Variants in NBEA observed in about 807,000 individuals in gnomAD.
The protein encoded by NBEA is lysosomal-trafficking regulator 2.
Under a neutral mutation model 343.4 loss-of-function variants are expected in NBEA, and 44 were observed. The observed-to-expected ratio is 0.13, with a 90% CI of 0.10 to 0.16. The LOEUF is 0.16. NBEA is among the 10% of genes least tolerant of loss of function. NBEA has a pLI of 1.00. For synonymous variants in NBEA, 1,175 were observed against 1,238.7 expected (o/e 0.95, Z 1.08); for missense variants, 2,555 against 3,631.3 (o/e 0.70, Z 7.62).
chr13:35,452,986 G>T (rs1427886933), intron 40 of NBEA, among the ~76,000 whole-genome samples: 1 of 152,168 alleles, frequency 6.6e-6, no homozygotes, highest in East Asian at 1.9e-4. Flanking sequence ...AAAAATGCCT[G>T]CTTCAGAGTC....
At chr13:35,378,932 A>G (rs1019189506) in intron 38 of NBEA, among the ~76,000 whole-genome samples, 3 of 152,260 alleles carry the variant, frequency 2.0e-5, no homozygotes, top group African/African-American at 4.8e-5. Flanking sequence ...CTTTTGCCCA[A>G]TATTACATTT....
chr13:35,378,309 G>A (rs1307174797), intron 38 of NBEA, among the ~76,000 whole-genome samples: 2 of 152,184 alleles, frequency 1.3e-5, no homozygotes, highest in African/African-American at 4.8e-5. Flanking sequence ...TTTGCTAGTA[G>A]ATTCTAAGAG....
chr13:35,295,760 C>T (rs554186625), intron 35 of NBEA, among the ~76,000 whole-genome samples: 13 of 152,150 alleles, frequency 8.5e-5, no homozygotes, highest in African/African-American at 2.4e-4. Context: ...AACAGGAAGA[C>T]GGGCTCTCTG....
intron 1 of NBEA, among the ~76,000 whole-genome samples, chr13:34,956,128 A>G (rs941198080): frequency 1.3e-5 from 2 of 152,186 alleles, no homozygotes; most frequent in African/African-American, 2.4e-5. Flanking sequence ...TACAAAAATG[A>G]ATGAGACTCA....
chr13:34,997,900 T>C (rs2060992741), intron 1 of NBEA, among the ~76,000 whole-genome samples: 1 of 152,204 alleles, frequency 6.6e-6, no homozygotes, highest in Non-Finnish European at 1.5e-5. Context: ...AGAGACCTTA[T>C]TATAATCAAA....
At position 35,034,236 on chromosome 13, in the gene NBEA, T is replaced by C. The variant is rs140621131; in HGVS notation, c.295-6697T>C. Among the ~76,000 whole-genome samples, 1,319 of 152,140 alleles carry C rather than the reference T, an allele frequency of 8.7e-3. 18 individuals are homozygous for C. The highest frequency in any genetic ancestry group is 0.012 in the Non-Finnish European group (832 of 67,882). On this transcript the variant is annotated intron_variant, in intron 1 of 58. Transcript: ENST00000379939. Reference sequence around the variant, plus strand: ...TTTATCATGAAGGGATGTTGAATTTTATCAAATGCTTCTTTAACATCAGTT... The same window carrying C: ...TTTATCATGAAGGGATGTTGAATTTCATCAAATGCTTCTTTAACATCAGTT...
chr13:35,408,813 C>T (rs61948744), intron 38 of NBEA, among the ~76,000 whole-genome samples: 18 of 152,130 alleles, frequency 1.2e-4, no homozygotes, highest in East Asian at 7.8e-4. Flanking sequence ...ATCTCACACC[C>T]GTCAGAATAT....
In NBEA at chr13:35,157,067, T is replaced by A. The variant is rs767728593; in HGVS notation, c.2652-11T>A. 2.6e-6 allele frequency: 4 copies of A among 1,514,506 alleles called. No individual in the cohort carries two copies. The highest frequency in any genetic ancestry group is 3.5e-6 in the Non-Finnish European group (4 of 1,131,924). The allele number at this position is 1,514,506 out of a possible 1,614,324, so 93.8% of individuals were successfully genotyped here. On this transcript the variant is annotated splice_polypyrimidine_tract_variant and intron_variant, in intron 20 of 58. Coordinates refer to ENST00000379939, the MANE Select transcript of NBEA (RefSeq NM_001385012.1). ...GATATTTTTAATGAGATCAAATTTT[T>A]TTCTCCCTAGATGCTTATTGCAGTG...
chr13:35,270,505 G>A (rs551129753), intron 34 of NBEA, among the ~76,000 whole-genome samples: 5 of 152,328 alleles, frequency 3.3e-5, no homozygotes, highest in South Asian at 4.1e-4. Flanking sequence ...CATGGAGGGC[G>A]AGCTGAACCA....
intron 45 of NBEA, among the ~76,000 whole-genome samples, chr13:35,575,723 C>G (rs1215948148): frequency 6.6e-6 from 1 of 152,118 alleles, no homozygotes; most frequent in African/African-American, 2.4e-5. Context: ...CTAATATTAT[C>G]TAACACTGTG....
At chr13:34,970,932 C>A (rs751140203) in intron 1 of NBEA, among the ~76,000 whole-genome samples, 1 of 151,912 alleles carries the variant, frequency 6.6e-6, no homozygotes, top group Non-Finnish European at 1.5e-5. Context: ...TAGTTTAATG[C>A]GAATAGCATT....
chr13:35,123,386 A>G (rs2066905551), intron 16 of NBEA, 96 bp from the exon 17 acceptor site: 1 of 570,852 alleles, frequency 1.8e-6, no homozygotes, highest in Non-Finnish European at 2.8e-6. Flanking sequence ...TCAGAGTTTT[A>G]TATTTCACAT....
chr13:35,451,521 C>A (rs557003685), intron 39 of NBEA, among the ~76,000 whole-genome samples: 1 of 152,162 alleles, frequency 6.6e-6, no homozygotes, highest in Non-Finnish European at 1.5e-5. Flanking sequence ...TGTGAAGAAG[C>A]TTTTATGTCT....
intron 18 of NBEA, among the ~76,000 whole-genome samples, chr13:35,145,605 C>T (rs2068371684): frequency 6.6e-6 from 1 of 152,174 alleles, no homozygotes; most frequent in Non-Finnish European, 1.5e-5. Context: ...AGCCCGGAGG[C>T]AGTACAGCCC....
intron 38 of NBEA, among the ~76,000 whole-genome samples, chr13:35,356,343 A>G (rs1410061207): frequency 6.6e-6 from 1 of 152,172 alleles, no homozygotes; most frequent in Non-Finnish European, 1.5e-5. Flanking sequence ...GTTCCTCAAA[A>G]AGACAGGAAA....
chr13:35,196,226 C>T lies in NBEA; in HGVS notation c.5290C>T (p.Pro1764Ser). 2 of 1,613,586 alleles carry T rather than the reference C, an allele frequency of 1.2e-6. No homozygotes were observed. Among genetic ancestry groups the T allele is most frequent in the Non-Finnish European group, 1.7e-6 (2 of 1,179,700 alleles). The change falls in exon 31 of 59, where the codon CCT (proline) becomes TCT (serine). Residue 1764 changes from proline (P) to serine (S), a missense_variant. This residue lies in a region of NBEA where 270 missense variants were observed against 293.3 expected (regional missense o/e 0.92). Transcript: ENST00000379939. The part of the protein sequence containing the change: ...PVEIAECGPE[P>S]IPYPDPALKR... The stretch of plus-strand genomic sequence containing the variant: ...TGAAATAGCAGAATGTGGCCCTGAA[C>T]CTATCCCATACCCAGATCCAGCATT...
intron 44 of NBEA, among the ~76,000 whole-genome samples, chr13:35,564,841 T>C (rs2080056154): frequency 6.6e-6 from 1 of 152,240 alleles, no homozygotes; most frequent in African/African-American, 2.4e-5. Flanking sequence ...GTTCTGCAGT[T>C]TTCCTTTACT....
At chr13:35,342,506 A>G (rs1293137017) in intron 36 of NBEA, among the ~76,000 whole-genome samples, 2 of 152,098 alleles carry the variant, frequency 1.3e-5, no homozygotes, top group Non-Finnish European at 2.9e-5. Flanking sequence ...AAATCTCATA[A>G]TGACAAAACT....
At chr13:35,196,956 A>G (rs997932997) in intron 31 of NBEA, among the ~76,000 whole-genome samples, 1 of 152,192 alleles carries the variant, frequency 6.6e-6, no homozygotes. Context: ...CAAATGTTAA[A>G]TCATGCAAGG....
Sources: gnomAD v4.1 joint callset for allele counts (sites outside exome capture counted in the v4.1 genomes callset) on GRCh38, gnomAD v4.1.1 for gene constraint, gnomAD v4.1.1 regional missense constraint, MANE v1.5 for transcripts, NCBI Gene and HGNC (gene_info 2026-07-23, HGNC 2026-07-21) for gene names.